MICAL2: variants seen among roughly 807,000 people sequenced by gnomAD.
MICAL2 encodes the protein microtubule associated monooxygenase, calponin and LIM domain containing 2, also known as [F-actin]-monooxygenase MICAL2.
In MICAL2, 77 loss-of-function variants were observed where a neutral mutation model predicts 127.3. That is an observed-to-expected ratio of 0.60 (90% confidence interval 0.50 to 0.73). MICAL2 has a LOEUF of 0.73. MICAL2 is among the 30% of genes least tolerant of loss of function. The pLI, the probability that MICAL2 is intolerant of heterozygous loss-of-function variation, is 0.00. For missense variants in MICAL2, 1,351 were observed against 1,434.4 expected (o/e 0.94, Z 0.94); for synonymous variants, 570 against 551.1 (o/e 1.03, Z -0.48).
chr11:12,134,219 G>C (rs904134113), intron 1 of MICAL2, among the ~76,000 whole-genome samples: 1 of 152,174 alleles, frequency 6.6e-6, no homozygotes, highest in Admixed American at 6.5e-5. Flanking sequence ...ACTCAAACAA[G>C]GCAAGTTTTC....
At chr11:12,302,766 G>A (rs12796580) in intron 29 of MICAL2, among the ~76,000 whole-genome samples, 67,484 of 151,872 alleles carry the variant, frequency 0.44, 17,333 homozygotes, top group Non-Finnish European at 0.59. Context: ...GACTTCAAGC[G>A]ATCTTCCCAC....
At chr11:12,216,475 A>ATATT in intron 8 of MICAL2, 156 bp downstream of exon 8, 2 of 632,574 alleles carry the variant, frequency 3.2e-6, no homozygotes, top group South Asian at 3.8e-5. Flanking sequence ...GTGTTACATG[A>ATATT]GTATTGGATA....
intron 3 of MICAL2, among the ~76,000 whole-genome samples, chr11:12,195,567 A>G (rs968791752): frequency 7.3e-5 from 7 of 95,446 alleles, no homozygotes; most frequent in Admixed American, 3.1e-4. Context: ...TACTAGATTA[A>G]AAACAAAAAA....
chr11:12,256,980 A>G lies in MICAL2; in HGVS notation c.3142+9A>G. ...CTTTGACTGCGATGAAGGTAACCCCAGGGGCCAGGGCAGCACTGGGCTCTG... is the reference window on the plus strand; with the variant it reads ...CTTTGACTGCGATGAAGGTAACCCCGGGGGCCAGGGCAGCACTGGGCTCTG... On this transcript the variant is annotated intron_variant, in intron 24 of 27. Transcript: ENST00000683283. 1 of 1,608,752 alleles carries G rather than the reference A, an allele frequency of 6.2e-7. No individual in the cohort carries two copies. The highest frequency in any genetic ancestry group is 8.5e-7 in the Non-Finnish European group (1 of 1,177,550).
At chr11:12,356,591 G>T (rs191959433) in intron 34 of MICAL2, among the ~76,000 whole-genome samples, 1 of 152,128 alleles carries the variant, frequency 6.6e-6, no homozygotes, top group Non-Finnish European at 1.5e-5. Context: ...GGTCTCATCC[G>T]TAGCCTGCCC....
intron 2 of MICAL2, among the ~76,000 whole-genome samples, chr11:12,146,538 T>C (rs1170028487): frequency 6.6e-6 from 1 of 152,086 alleles, no homozygotes; most frequent in African/African-American, 2.4e-5. Flanking sequence ...GTTAGAACGG[T>C]GATCATTAAA....
chr11:12,325,042 T>A (rs543169368), intron 31 of MICAL2, among the ~76,000 whole-genome samples: 1 of 38,390 alleles, frequency 2.6e-5, no homozygotes, highest in Non-Finnish European at 7.4e-5. Flanking sequence ...GCCTTTTGAG[T>A]CCTGCTGGCA....
At chr11:12,346,526 A>T (rs562080830) in intron 32 of MICAL2, among the ~76,000 whole-genome samples, 3 of 152,236 alleles carry the variant, frequency 2.0e-5, no homozygotes, top group Admixed American at 2.0e-4. Flanking sequence ...TCTTTCATCC[A>T]ATAACAAATG....
intron 2 of MICAL2, among the ~76,000 whole-genome samples, chr11:12,283,086 T>C (rs983344019): frequency 2.0e-5 from 3 of 152,232 alleles, no homozygotes; most frequent in African/African-American, 7.2e-5. Context: ...TCATCAGTCA[T>C]TGTTTTATCA....
intron 6 of MICAL2, among the ~76,000 whole-genome samples, chr11:12,212,973 A>T (rs1855687787): frequency 6.6e-6 from 1 of 152,214 alleles, no homozygotes; most frequent in South Asian, 2.1e-4. Flanking sequence ...ACACATCCTT[A>T]CAAGGGTACA....
intron 3 of MICAL2, among the ~76,000 whole-genome samples, chr11:12,168,481 CACAT>C (rs899870890): frequency 4.6e-5 from 7 of 151,358 alleles, no homozygotes; most frequent in African/African-American, 1.7e-4. Context: ...CACTTATACA[CACAT>C]ATACATGCAT....
At chr11:12,359,495 C>G (rs578253324), downstream of MICAL2, among the ~76,000 whole-genome samples, 4 of 152,228 alleles carry the variant, frequency 2.6e-5, no homozygotes, top group Non-Finnish European at 5.9e-5. Context: ...CTCCCTCTCC[C>G]CAGGAACTCT....
intron 30 of MICAL2, among the ~76,000 whole-genome samples, chr11:12,323,519 C>T (rs1251625109): frequency 2.0e-5 from 3 of 152,082 alleles, no homozygotes; most frequent in Admixed American, 6.6e-5. Flanking sequence ...TGGGCCATAT[C>T]GTAGCACCCC....
chr11:12,317,466 C>G (rs1864244078), intron 29 of MICAL2, among the ~76,000 whole-genome samples: 1 of 152,108 alleles, frequency 6.6e-6, no homozygotes, highest in Non-Finnish European at 1.5e-5. Context: ...CAGAGTGGAA[C>G]AATGCTGCAA....
intron 22 of MICAL2, among the ~76,000 whole-genome samples, chr11:12,250,568 G>C (rs1455564472): frequency 6.6e-6 from 1 of 152,224 alleles, no homozygotes; most frequent in Non-Finnish European, 1.5e-5. Context: ...AATGTGAGAT[G>C]ATTGCCCTCC....
At chr11:12,281,445 C>A (rs1863770375) in intron 2 of MICAL2, among the ~76,000 whole-genome samples, 1 of 152,140 alleles carries the variant, frequency 6.6e-6, no homozygotes, top group African/African-American at 2.4e-5. Context: ...TCCTTAGGGG[C>A]CCCTCCAGCA....
At chr11:12,326,412 A>G (rs1232997404) in intron 31 of MICAL2, among the ~76,000 whole-genome samples, 1 of 152,244 alleles carries the variant, frequency 6.6e-6, no homozygotes, top group Non-Finnish European at 1.5e-5. Flanking sequence ...CAAGAGATTA[A>G]TAGTTAGTAA....
chr11:12,196,007 G>A (rs1330718199), intron 3 of MICAL2: 1 of 153,344 alleles, frequency 6.5e-6, no homozygotes, highest in Non-Finnish European at 1.5e-5. Flanking sequence ...GACTGCTCTG[G>A]TTGCTGTATG....
At chr11:12,116,843 T>A (rs1303742716) in intron 1 of MICAL2, 1 of 152,266 alleles carries the variant, frequency 6.6e-6, no homozygotes, top group Non-Finnish European at 1.5e-5. Context: ...GCACTGTACC[T>A]GTCTTTGCGT....
Sources: gnomAD v4.1 joint callset for allele counts (sites outside exome capture counted in the v4.1 genomes callset) on GRCh38, gnomAD v4.1.1 for gene constraint, MANE v1.5 for transcripts, NCBI Gene and HGNC (gene_info 2026-07-23, HGNC 2026-07-21) for gene names.